The following ACSL4 variants were observed in gnomAD, a reference collection of about 807,000 sequenced individuals.
The protein encoded by ACSL4 is long-chain-fatty-acid--CoA ligase 4.
In ACSL4, 9 loss-of-function variants were observed where a neutral mutation model predicts 49.1. The ratio of observed to expected loss-of-function variants is 0.18; its 90% confidence interval spans 0.11 to 0.32. The LOEUF (loss-of-function observed/expected upper bound fraction) is 0.32. ACSL4 is among the 10% of genes least tolerant of loss of function. The pLI is 1.00. For missense variants in ACSL4, 333 were observed against 493.7 expected (o/e 0.67, Z 3.08); for synonymous variants, 191 against 170.3 (o/e 1.12, Z -0.95).
chrX:109,657,463 C>T (rs1380590896), intron 15 of ACSL4, among the ~76,000 whole-genome samples: 1 of 106,750 alleles, frequency 9.4e-6, no homozygotes, highest in Non-Finnish European at 1.9e-5. Flanking sequence ...TGAGAATATG[C>T]GGTGTTTGGT....
At chrX:109,689,314 T>C (rs1924859252) in intron 2 of ACSL4, among the ~76,000 whole-genome samples, 1 of 111,933 alleles carries the variant, frequency 8.9e-6, no homozygotes, top group Non-Finnish European at 1.9e-5. Context: ...GCCAATCTAG[T>C]CTCCCTGCTT....
intron 15 of ACSL4, among the ~76,000 whole-genome samples, chrX:109,655,008 T>A (rs1397123804): frequency 8.9e-6 from 1 of 111,737 alleles, no homozygotes; most frequent in African/African-American, 3.3e-5. Context: ...ACCAGAATTC[T>A]GGCAGTCAGG....
At chrX:109,649,572 C>G (rs1308590211) in intron 15 of ACSL4, among the ~76,000 whole-genome samples, 1 of 111,455 alleles carries the variant, frequency 9.0e-6, no homozygotes, top group African/African-American at 3.3e-5. Flanking sequence ...CCATAAAAAC[C>G]CTAGAAGAAA....
intron 10 of ACSL4, 66 bp from the exon 11 acceptor site, chrX:109,668,339 A>C: frequency 1.0e-6 from 1 of 977,615 alleles, no homozygotes; most frequent in Non-Finnish European, 1.4e-6. Context: ...ACACTAATTT[A>C]TAAGCTCTGG....
intron 9 of ACSL4, among the ~76,000 whole-genome samples, chrX:109,670,984 C>T (rs914929697): frequency 6.2e-5 from 7 of 112,389 alleles, no homozygotes; most frequent in African/African-American, 2.3e-4. Flanking sequence ...ACAACCTCCA[C>T]CTCCCAGCCG....
rs151317024 is a variant in ACSL4 at position 109,732,430 on chromosome X, T to C, written c.-66+709A>G. Among the ~76,000 whole-genome samples, 337 of 111,260 alleles carry C rather than the reference T, an allele frequency of 3.0e-3. 2 individuals carry two copies. The highest frequency in any genetic ancestry group is 0.01 in the African/African-American group (309 of 30,535). On this transcript the variant is annotated intron_variant, in intron 1 of 15. Transcript: ENST00000672401. The stretch of plus-strand genomic sequence containing the variant: ...CTATGTCTATAGACATCAGCCACAG[T>C]TCTTTCAGGCACTCAAACGAGAGGA...
chrX:109,649,256 C>T (rs960908997), intron 15 of ACSL4, among the ~76,000 whole-genome samples: 5 of 111,558 alleles, frequency 4.5e-5, no homozygotes, highest in African/African-American at 1.3e-4. Context: ...GGGGGCATCA[C>T]GCTACCTGAC....
chrX:109,673,947 G>T (rs1923472859), intron 9 of ACSL4, among the ~76,000 whole-genome samples: 1 of 110,868 alleles, frequency 9.0e-6, no homozygotes, highest in African/African-American at 3.3e-5. Flanking sequence ...TTTCCTTTGG[G>T]AGCTCTCTCC....
At chrX:109,710,560 A>G (rs1926679072) in intron 1 of ACSL4, among the ~76,000 whole-genome samples, 1 of 112,496 alleles carries the variant, frequency 8.9e-6, no homozygotes, top group African/African-American at 3.2e-5. Context: ...ATCTCACAAA[A>G]AACACACTTG....
intron 1 of ACSL4, among the ~76,000 whole-genome samples, chrX:109,728,572 T>G (rs1928184225): frequency 8.9e-6 from 1 of 112,566 alleles, no homozygotes; most frequent in Admixed American, 9.4e-5. Flanking sequence ...GCAGCCATTT[T>G]AATATAGTGA....
chrX:109,666,853 T>G (rs1366310249), intron 11 of ACSL4, among the ~76,000 whole-genome samples: 1 of 112,030 alleles, frequency 8.9e-6, no homozygotes, highest in African/African-American at 3.2e-5. Context: ...AGGCGGAGGT[T>G]GCAGTGAGCT....
Position 109,661,554 on chromosome X carries a change from G to A in ACSL4, c.1674C>T (p.Asp558=), listed in dbSNP as rs780498743. The change falls in exon 14 of 16, where the codon GAC becomes GAT. Residue 558 remains aspartate (D), a synonymous_variant. Coordinates refer to ENST00000672401, the MANE Select transcript of ACSL4 (RefSeq NM_001318510.2). ...EAALKNCPLI[D]NICAFAKSDQ... Reference sequence around the variant, plus strand: ...ACCTTTTGGCAAAAGCACAGATGTTGTCAATAAGTGGACAATTCTTCAGTG... The same window carrying A: ...ACCTTTTGGCAAAAGCACAGATGTTATCAATAAGTGGACAATTCTTCAGTG... The A allele has an allele frequency of 8.3e-7, 1 of 1,208,036 alleles. No individual in the cohort carries two copies. Among genetic ancestry groups the A allele is most frequent in the Admixed American group, 2.2e-5 (1 of 45,874 alleles).
At chrX:109,728,652 C>T (rs1928192078) in intron 1 of ACSL4, among the ~76,000 whole-genome samples, 1 of 111,984 alleles carries the variant, frequency 8.9e-6, no homozygotes, top group African/African-American at 3.2e-5. Flanking sequence ...TATTTGAGCT[C>T]TAAAATTGTT....
At chrX:109,717,828 C>T (rs1351031255) in intron 1 of ACSL4, among the ~76,000 whole-genome samples, 3 of 103,682 alleles carry the variant, frequency 2.9e-5, no homozygotes, top group African/African-American at 1.0e-4. Context: ...TGGTAGATAT[C>T]GTGAAAATTA....
chrX:109,695,434 G>A lies in ACSL4; in HGVS notation c.-13+710C>T, dbSNP rs185434698. Among the ~76,000 whole-genome samples, 240 of 109,490 alleles carry A rather than the reference G, an allele frequency of 2.2e-3. 1 individual carries two copies. The highest frequency in any genetic ancestry group is 7.4e-3 in the Admixed American group (76 of 10,244). On this transcript the variant is annotated intron_variant, in intron 2 of 15. Transcript: ENST00000672401. ...ACTCCATCAATAATAATGAACCACT[G>A]AGGACGGGCGCGGTGGCTCACGCCT...
At position 109,733,089 on chromosome X, in the gene ACSL4, G is replaced by A. The variant is rs1387217223; in HGVS notation, c.-66+50C>T. The A allele has an allele frequency of 1.2e-5, 4 of 330,201 alleles. No individual in the cohort carries two copies. In the East Asian group the frequency reaches 4.0e-4, roughly 33 times the overall value. The allele number at this position is 330,201 out of a possible 1,213,427, so 27.2% of individuals were successfully genotyped here. Reference sequence around the variant, plus strand: ...CCTCTGGAAATGGGGCCCTGGTACCGACAGGGCAGGGGTGCCGGGGCCGCA... The same window carrying A: ...CCTCTGGAAATGGGGCCCTGGTACCAACAGGGCAGGGGTGCCGGGGCCGCA... On this transcript the variant is annotated intron_variant, in intron 1 of 15. Transcript: ENST00000672401.
At chrX:109,656,818 T>A (rs1053849377) in intron 15 of ACSL4, among the ~76,000 whole-genome samples, 1 of 111,515 alleles carries the variant, frequency 9.0e-6, no homozygotes, top group East Asian at 2.8e-4. Context: ...AGCCTACTAT[T>A]GAACTTGAGC....
chrX:109,689,503 C>T (rs193087701), intron 2 of ACSL4, among the ~76,000 whole-genome samples: 46 of 112,353 alleles, frequency 4.1e-4, no homozygotes, highest in African/African-American at 1.4e-3. Flanking sequence ...CTTTCCCCTA[C>T]CCCAAGGTTC....
rs985023017 is a variant in ACSL4 at position 109,678,913 on chromosome X, C to T, written c.656-498G>A. Among the ~76,000 whole-genome samples, 3 of 112,156 alleles carry T rather than the reference C, an allele frequency of 2.7e-5. No individual in the cohort carries two copies. In the Admixed American group the frequency reaches 2.8e-4, roughly 11 times the overall value. On this transcript the variant is annotated intron_variant, in intron 6 of 15. Transcript: ENST00000672401. The stretch of plus-strand genomic sequence containing the variant: ...CCTAATCTCTGTCTGTGCATTGCCT[C>T]TCCACAGTGTTGTATACAGAGCAAT...
Sources: allele counts gnomAD v4.1 joint callset (sites outside exome capture counted in the v4.1 genomes callset), GRCh38; gene constraint gnomAD v4.1.1; transcripts MANE v1.5; gene names NCBI Gene and HGNC (gene_info 2026-07-23, HGNC 2026-07-21).